The following NIPSNAP3B variants were observed in gnomAD, a reference collection of about 807,000 sequenced individuals.
The protein encoded by NIPSNAP3B is nipsnap homolog 3B.
Under a neutral mutation model 31.5 loss-of-function variants are expected in NIPSNAP3B, and 30 were observed. The observed-to-expected ratio is 0.95, with a 90% CI of 0.71 to 1.29. The LOEUF (loss-of-function observed/expected upper bound fraction) is 1.29, where lower values mean the gene tolerates loss of function less well. Among genes scored for constraint, NIPSNAP3B ranks in the 50% most tolerant of loss-of-function variants. NIPSNAP3B has a pLI of 0.00. For missense variants in NIPSNAP3B, 269 were observed against 300.7 expected (o/e 0.89, Z 0.78); for synonymous variants, 106 against 107.9 (o/e 0.98, Z 0.11).
intron 1 of NIPSNAP3B, among the ~76,000 whole-genome samples, chr9:104,765,835 GT>G (rs1191902638): frequency 1.1e-4 from 16 of 152,198 alleles, no homozygotes; most frequent in Admixed American, 1.0e-3. Context: ...AGCCCTTCCT[GT>G]TTTTTTAGGA....
the NIPSNAP3B span, chr9:104,788,672 T>C: frequency 1.5e-6 from 2 of 1,344,502 alleles, no homozygotes; most frequent in East Asian, 2.3e-5. Context: ...ATTACAAAGA[T>C]ACCAATACAT....
chr9:104,766,894 G>A (rs762912600), intron 2 of NIPSNAP3B, among the ~76,000 whole-genome samples: 3 of 152,030 alleles, frequency 2.0e-5, no homozygotes, highest in African/African-American at 4.8e-5. Flanking sequence ...TAAGATCACC[G>A]TTGGGCCTGC....
the NIPSNAP3B span, chr9:104,784,436 T>A: frequency 6.2e-7 from 1 of 1,614,132 alleles, no homozygotes; most frequent in Non-Finnish European, 8.5e-7. Context: ...ACTTTGGTCC[T>A]TGGCAAAGTT....
the NIPSNAP3B span, chr9:104,784,412 A>C: frequency 2.5e-6 from 4 of 1,614,080 alleles, no homozygotes; most frequent in Non-Finnish European, 3.4e-6. Flanking sequence ...GAGGTCTTTT[A>C]AGTGGTCATC....
rs1422335650 is a variant in NIPSNAP3B at position 104,775,272 on chromosome 9, T to A, written c.*2199T>A. Among the ~76,000 whole-genome samples the A allele has an allele frequency of 6.6e-6, 1 of 151,920 alleles. No individual in the cohort carries two copies. Among genetic ancestry groups the A allele is most frequent in the African/African-American group, 2.4e-5 (1 of 41,350 alleles). ...AAAAGAGTAGTTCATACTTCCTGCC[T>A]CCATTTTCTTCCCTCACATTATCTC... On this transcript the variant is annotated 3_prime_UTR_variant, in exon 6 of 6. Coordinates refer to ENST00000374762, the MANE Select transcript of NIPSNAP3B (RefSeq NM_018376.4).
In NIPSNAP3B at chr9:104,773,206, C is replaced by G; in HGVS notation, c.*133C>G. On this transcript the variant is annotated 3_prime_UTR_variant, in exon 6 of 6. Transcript: ENST00000374762. The stretch of plus-strand genomic sequence containing the variant: ...GTTAATTAGTTAATTTGCTGTGCTT[C>G]TTGCATTTTTGAAAGTTACATATTC... 1.3e-5 allele frequency: 11 copies of G among 861,750 alleles called. No individual in the cohort carries two copies. Among genetic ancestry groups the G allele is most frequent in the Non-Finnish European group, 2.0e-5 (11 of 559,852 alleles). The allele number at this position is 861,750 out of a possible 1,614,324, so 53.4% of individuals were successfully genotyped here.
chr9:104,788,572 A>T, the NIPSNAP3B span: 7 of 1,614,030 alleles, frequency 4.3e-6, no homozygotes, highest in Admixed American at 1.2e-4. Context: ...AAGATACTGC[A>T]AAGGACAAGA....
downstream of NIPSNAP3B, chr9:104,781,066 T>C (rs978644853): frequency 1.3e-5 from 2 of 152,672 alleles, no homozygotes; most frequent in Admixed American, 1.3e-4. Flanking sequence ...AACATAGAAA[T>C]ATGCATTTTA....
In NIPSNAP3B at chr9:104,776,098, T is replaced by C. The variant is rs1460027413; in HGVS notation, c.*3025T>C. Among the ~76,000 whole-genome samples, 1 of 152,202 alleles carries C rather than the reference T, an allele frequency of 6.6e-6. No homozygotes were observed. Among genetic ancestry groups the C allele is most frequent in the Non-Finnish European group, 1.5e-5 (1 of 68,024 alleles). On this transcript the variant is annotated 3_prime_UTR_variant, in exon 6 of 6. Transcript: ENST00000374762. Reference sequence around the variant, plus strand: ...ACCTTCATGTCATCCTCAGAGTTATTGTCCAAGCCTCTAACTGTGGTCTAC... The same window carrying C: ...ACCTTCATGTCATCCTCAGAGTTATCGTCCAAGCCTCTAACTGTGGTCTAC...
chr9:104,783,993 CAAA>C, the NIPSNAP3B span: 914 of 134,338 alleles, frequency 6.8e-3, no homozygotes, highest in South Asian at 0.012. Flanking sequence ...TACACAGGAA[CAAA>C]AAAAAAAAAA....
At chr9:104,790,811 C>T in the NIPSNAP3B span, 4 of 785,746 alleles carry the variant, frequency 5.1e-6, no homozygotes, top group South Asian at 3.0e-5. Context: ...TATATTTCAA[C>T]ATTTTTATGA....
downstream of NIPSNAP3B, among the ~76,000 whole-genome samples, chr9:104,779,081 C>G (rs1168366018): frequency 6.6e-6 from 1 of 152,124 alleles, no homozygotes; most frequent in Non-Finnish European, 1.5e-5. Context: ...ATTCTTTCTT[C>G]CGGGAATATC....
chr9:104,769,845 T>C (rs1828172585), intron 3 of NIPSNAP3B, among the ~76,000 whole-genome samples: 2 of 152,230 alleles, frequency 1.3e-5, no homozygotes, highest in Non-Finnish European at 2.9e-5. Context: ...GTTTAACTTT[T>C]GTGTCTTCCT....
In NIPSNAP3B at chr9:104,777,534, T is replaced by C. The variant is rs1257209555; in HGVS notation, c.*4461T>C. ...GCACTAGACAAAATGAGTTTTATAA[T>C]AGTCGATTGGAAGGAATGGAAGTTT... On this transcript the variant is annotated 3_prime_UTR_variant, in exon 6 of 6. Coordinates refer to ENST00000374762, the MANE Select transcript of NIPSNAP3B (RefSeq NM_018376.4). 1 of 152,198 alleles carries C rather than the reference T, an allele frequency of 6.6e-6. No homozygotes were observed. Among genetic ancestry groups the C allele is most frequent in the Non-Finnish European group, 1.5e-5 (1 of 68,068 alleles). 9.4% of individuals were successfully genotyped at this position (152,198 alleles called of 1,614,324 possible).
downstream of NIPSNAP3B, among the ~76,000 whole-genome samples, chr9:104,779,621 G>GGT (rs1828415386): frequency 1.4e-5 from 2 of 147,186 alleles, no homozygotes; most frequent in South Asian, 2.1e-4. Context: ...AGCTAAGTGG[G>GGT]TTTTTTTTTT....
At chr9:104,788,516 C>A in the NIPSNAP3B span, 1 of 1,614,196 alleles carries the variant, frequency 6.2e-7, no homozygotes, top group Non-Finnish European at 8.5e-7. Flanking sequence ...TGGCATCAAA[C>A]TGAGGGCAGT....
chr9:104,770,547 T>C (rs1388676882), intron 3 of NIPSNAP3B, among the ~76,000 whole-genome samples: 1 of 152,234 alleles, frequency 6.6e-6, no homozygotes, highest in East Asian at 1.9e-4. Flanking sequence ...AGTATCTGTT[T>C]TCCTGACAAA....
rs1048282887 is a variant in NIPSNAP3B, at chr9:104,773,192, A to G, written c.*119A>G. On this transcript the variant is annotated 3_prime_UTR_variant, in exon 6 of 6. Transcript: ENST00000374762. ...GAAGGAGGTGGTAAGTTAATTAGTT[A>G]ATTTGCTGTGCTTCTTGCATTTTTG... is the stretch of plus-strand genomic sequence containing the variant. 2.1e-6 allele frequency: 2 copies of G among 954,396 alleles called. No homozygotes were observed. The highest frequency in any genetic ancestry group is 3.3e-5 in the African/African-American group (2 of 60,340). 59.1% of individuals were successfully genotyped at this position (954,396 alleles called of 1,614,324 possible).
downstream of NIPSNAP3B, among the ~76,000 whole-genome samples, chr9:104,778,423 G>T (rs1352923450): frequency 6.6e-6 from 1 of 151,994 alleles, no homozygotes; most frequent in Non-Finnish European, 1.5e-5. Flanking sequence ...TAGAGATGGG[G>T]TTTCACCATG....
Sources: allele counts gnomAD v4.1 joint callset (sites outside exome capture counted in the v4.1 genomes callset), GRCh38; gene constraint gnomAD v4.1.1; transcripts MANE v1.5; gene names NCBI Gene and HGNC (gene_info 2026-07-23, HGNC 2026-07-21).